RP1: variants seen among roughly 807,000 people sequenced by gnomAD.
The protein encoded by RP1 is oxygen-regulated protein 1.
Under a neutral mutation model 14.8 loss-of-function variants are expected in RP1, and 16 were observed. The ratio of observed to expected loss-of-function variants is 1.08; its 90% CI spans 0.73 to 1.65. The LOEUF is 1.65. Among genes scored for constraint, RP1 ranks in the 40% most tolerant of loss-of-function variants. The probability of loss-of-function intolerance (pLI) is 0.00; values close to 1 mark genes in which losing one functional copy is unlikely to be tolerated. For missense variants in RP1, 2,631 were observed against 2,535.0 expected, an observed-to-expected ratio of 1.04 and a Z score of -0.81; for synonymous variants, 876 against 883.6, an observed-to-expected ratio of 0.99 and a Z score of 0.15.
chr8:54,622,423 TA>T, intron 3 of RP1, 135 bp downstream of exon 3: 1 of 748,030 alleles, frequency 1.3e-6, no homozygotes, highest in Non-Finnish European at 2.3e-6. Flanking sequence ...AAAAACATTC[TA>T]AACTGAAATT....
intron 24 of RP1, among the ~76,000 whole-genome samples, chr8:54,801,024 T>C (rs1810691866): frequency 6.6e-6 from 1 of 152,192 alleles, no homozygotes; most frequent in African/African-American, 2.4e-5. Context: ...CTGCATTTAG[T>C]GGAGGAATTT....
chr8:54,768,000 C>T lies in RP1; in HGVS notation c.3249-1741C>T, dbSNP rs189025014. ...ATACCCCACACCTTCCCATTATCTG[C>T]TGATTGCAAGGCTAGTGTGGTGACG... On this transcript the variant is annotated intron_variant, in intron 22 of 22. Coordinates refer to the RP1 transcript ENST00000636932. Among the ~76,000 whole-genome samples, 3 of 152,316 alleles carry T rather than the reference C, an allele frequency of 2.0e-5. No individual in the cohort carries two copies. In the East Asian group the frequency reaches 5.8e-4, roughly 29 times the overall value.
chr8:54,568,279 G>T (rs554163435), intron 1 of RP1, among the ~76,000 whole-genome samples: 1 of 152,264 alleles, frequency 6.6e-6, no homozygotes, highest in Admixed American at 6.5e-5. Context: ...AATATGCATG[G>T]ATTAGGGAAA....
chr8:54,647,252 C>T (rs774764335), intron 3 of RP1, among the ~76,000 whole-genome samples: 17 of 151,676 alleles, frequency 1.1e-4, no homozygotes, highest in African/African-American at 3.4e-4. Flanking sequence ...CTCATCTCTA[C>T]GAAAATACAA....
intron 24 of RP1, among the ~76,000 whole-genome samples, chr8:54,798,882 C>T (rs941829620): frequency 6.6e-6 from 1 of 151,980 alleles, no homozygotes; most frequent in South Asian, 2.1e-4. Flanking sequence ...ACATACATAA[C>T]ATACATATTG....
intron 24 of RP1, among the ~76,000 whole-genome samples, chr8:54,790,144 C>T (rs938744539): frequency 1.3e-5 from 2 of 152,200 alleles, no homozygotes; most frequent in African/African-American, 4.8e-5. Context: ...TTGCCAGGAG[C>T]CCAACCAGAA....
chr8:54,706,316 C>T (rs746102705), intron 14 of RP1: 14 of 881,734 alleles, frequency 1.6e-5, no homozygotes, highest in South Asian at 1.0e-4. Flanking sequence ...TTCTTTTGCT[C>T]GTTTTCAGCC....
chr8:54,593,837 T>TTA lies in RP1; in HGVS notation c.-12-27118_-12-27117insTA, dbSNP rs549267923. ...GGCTGGCTCAGTCTAATCCGTGGGGTGCTCACAGGAGTCTTGTCATCCCAG... is the reference window on the plus strand; with the variant it reads ...GGCTGGCTCAGTCTAATCCGTGGGGTTAGCTCACAGGAGTCTTGTCATCCCAG... On this transcript the variant is annotated intron_variant, in intron 1 of 22. Coordinates refer to the RP1 transcript ENST00000636932. 8.5e-5 allele frequency among the ~76,000 whole-genome samples: 13 copies of TTA among 152,280 alleles called. No individual in the cohort carries two copies. The East Asian group carries it at 2.5e-3, about 29-fold the overall frequency.
intron 24 of RP1, among the ~76,000 whole-genome samples, chr8:54,791,913 G>A (rs1187744861): frequency 6.6e-6 from 1 of 151,950 alleles, no homozygotes; most frequent in African/African-American, 2.4e-5. Context: ...AAGATGTGCA[G>A]CATTTGAATG....
intron 12 of RP1, among the ~76,000 whole-genome samples, chr8:54,690,809 TACTGCATGTGGTTGCA>T (rs1213069976): frequency 6.6e-6 from 1 of 152,036 alleles, no homozygotes; most frequent in Non-Finnish European, 1.5e-5. Context: ...TCAAGTGTTG[TACTGCATGTGGTTGCA>T]ACAGGGAGTG....
chr8:54,860,227 C>T (rs947708834), intron 27 of RP1, among the ~76,000 whole-genome samples: 23 of 151,528 alleles, frequency 1.5e-4, no homozygotes, highest in African/African-American at 4.9e-4. Flanking sequence ...ATAGAAATGG[C>T]TTTGATGGAG....
At chr8:54,770,353 A>C (rs914455514), downstream of RP1, among the ~76,000 whole-genome samples, 2 of 152,138 alleles carry the variant, frequency 1.3e-5, no homozygotes, top group African/African-American at 4.8e-5. Context: ...CAGCAACTTT[A>C]GCTCCAAATG....
chr8:54,827,270 AAC>A (rs756393640), intron 24 of RP1, among the ~76,000 whole-genome samples: 25 of 152,166 alleles, frequency 1.6e-4, no homozygotes, highest in Admixed American at 9.2e-4. Context: ...TTTCTGTAAT[AAC>A]ACAGCTTGAA....
At chr8:54,784,316 A>G (rs1810267300) in intron 24 of RP1, among the ~76,000 whole-genome samples, 1 of 152,276 alleles carries the variant, frequency 6.6e-6, no homozygotes, top group South Asian at 2.1e-4. Flanking sequence ...AATGCTCAAT[A>G]AATGTTTGCT....
intron 19 of RP1, among the ~76,000 whole-genome samples, chr8:54,750,000 A>G (rs1221382925): frequency 6.6e-6 from 1 of 152,142 alleles, no homozygotes; most frequent in Non-Finnish European, 1.5e-5. Flanking sequence ...AGGAGAGCCA[A>G]AGGAGACTGT....
chr8:54,630,691 T>G lies in RP1; in HGVS notation c.*338T>G. On this transcript the variant is annotated 3_prime_UTR_variant, in exon 4 of 4. Transcript: ENST00000220676. Reference sequence around the variant, plus strand: ...ATTATATCCTTTTTAAAAAATGTTGTTAGCTTGGTGTAAAATGTATATTGA... The same window carrying G: ...ATTATATCCTTTTTAAAAAATGTTGGTAGCTTGGTGTAAAATGTATATTGA... The G allele has an allele frequency of 9.1e-7, 1 of 1,101,502 alleles. No individual in the cohort carries two copies. The highest frequency in any genetic ancestry group is 1.1e-6 in the Non-Finnish European group (1 of 902,658). 68.2% of individuals were successfully genotyped at this position (1,101,502 alleles called of 1,614,324 possible).
intron 19 of RP1, among the ~76,000 whole-genome samples, chr8:54,747,420 G>A (rs752948041): frequency 2.6e-5 from 4 of 152,132 alleles, no homozygotes; most frequent in Non-Finnish European, 4.4e-5. Flanking sequence ...TCCCTTATCT[G>A]ATATTTTATA....
chr8:54,673,557 T>C (rs555587009), intron 7 of RP1, among the ~76,000 whole-genome samples: 1 of 152,048 alleles, frequency 6.6e-6, no homozygotes, highest in Admixed American at 6.6e-5. Context: ...CTGGGCAACA[T>C]AGCCAAACCT....
intron 25 of RP1, among the ~76,000 whole-genome samples, chr8:54,852,098 A>G (rs1308566889): frequency 1.3e-5 from 2 of 152,036 alleles, no homozygotes; most frequent in Non-Finnish European, 2.9e-5. Context: ...TTAAATTTGC[A>G]TCTCTCTAGG....
Sources: allele counts gnomAD v4.1 joint callset (sites outside exome capture counted in the v4.1 genomes callset), GRCh38; gene constraint gnomAD v4.1.1; transcripts MANE v1.5; gene names NCBI Gene and HGNC (gene_info 2026-07-23, HGNC 2026-07-21).